VRK1: variants seen among roughly 807,000 people sequenced by gnomAD.
VRK1 encodes the protein serine/threonine-protein kinase VRK1.
A neutral mutation model predicts 57.1 loss-of-function variants in VRK1; 33 were observed. The ratio of observed to expected loss-of-function variants is 0.58; its 90% CI spans 0.44 to 0.77. The LOEUF (loss-of-function observed/expected upper bound fraction) is 0.77, where lower values mean the gene tolerates loss of function less well. Among genes scored for constraint, VRK1 ranks in the 30% least tolerant of loss-of-function variants. The probability of loss-of-function intolerance (pLI) is 0.00; values close to 1 mark genes in which losing one functional copy is unlikely to be tolerated. For missense variants in VRK1, 413 were observed against 477.3 expected, an observed-to-expected ratio of 0.87 and a Z score of 1.25; for synonymous variants, 137 against 147.8, an observed-to-expected ratio of 0.93 and a Z score of 0.53.
chr14:96,829,836 G>A (rs1357902694), intron 1 of VRK1, among the ~76,000 whole-genome samples: 1 of 152,066 alleles, frequency 6.6e-6, no homozygotes, highest in Non-Finnish European at 1.5e-5. Flanking sequence ...AGTTCTACAA[G>A]TATATATTTA....
At chr14:96,870,842 GA>G (rs1318424963) in intron 11 of VRK1, among the ~76,000 whole-genome samples, 1 of 152,120 alleles carries the variant, frequency 6.6e-6, no homozygotes, top group Non-Finnish European at 1.5e-5. Flanking sequence ...TAGGAGAATG[GA>G]TGACAGTAGA....
intron 11 of VRK1, among the ~76,000 whole-genome samples, chr14:96,863,952 T>C (rs1045459212): frequency 7.2e-5 from 11 of 152,294 alleles, no homozygotes; most frequent in African/African-American, 2.2e-4. Flanking sequence ...TTTATACCAT[T>C]GTAGCCTATA....
At chr14:96,836,896 C>T (rs1887240275) in intron 2 of VRK1, among the ~76,000 whole-genome samples, 1 of 152,064 alleles carries the variant, frequency 6.6e-6, no homozygotes, top group Non-Finnish European at 1.5e-5. Flanking sequence ...GGCTTATTCC[C>T]TTCCTGCTCT....
In VRK1 at chr14:96,876,026, T is replaced by A; in HGVS notation, c.1069-4T>A. 6.2e-7 allele frequency: 1 copy of A among 1,612,552 alleles called. No individual in the cohort carries two copies. Among genetic ancestry groups the A allele is most frequent in the Non-Finnish European group, 8.5e-7 (1 of 1,179,120 alleles). On this transcript the variant is annotated splice_polypyrimidine_tract_variant and splice_region_variant and intron_variant, in intron 11 of 12. Coordinates refer to ENST00000216639, the MANE Select transcript of VRK1 (RefSeq NM_003384.3). The stretch of plus-strand genomic sequence containing the variant: ...CTCTCTCTCTCTTTAATTTTATATG[T>A]AAGAAGCGAAAGAAAGAAATTGAAG...
chr14:96,872,483 GA>G (rs1888860852), intron 11 of VRK1, among the ~76,000 whole-genome samples: 1 of 152,160 alleles, frequency 6.6e-6, no homozygotes, highest in Non-Finnish European at 1.5e-5. Context: ...TAGTTTACAT[GA>G]AATACACAAA....
chr14:96,813,605 T>G (rs767887001), intron 1 of VRK1, among the ~76,000 whole-genome samples: 12 of 152,230 alleles, frequency 7.9e-5, no homozygotes, highest in Non-Finnish European at 1.3e-4. Context: ...GTCCTTTGGA[T>G]TTTTGGAAGT....
At chr14:96,856,965 C>G (rs989088715) in intron 10 of VRK1, among the ~76,000 whole-genome samples, 10 of 145,000 alleles carry the variant, frequency 6.9e-5, no homozygotes, top group Non-Finnish European at 1.6e-4. Context: ...GAGACTCCGT[C>G]TCAGAAAAAA....
chr14:96,875,949 C>T (rs1595691450), intron 11 of VRK1, 81 bp from the exon 12 acceptor site: 1 of 1,449,844 alleles, frequency 6.9e-7, no homozygotes, highest in Non-Finnish European at 9.6e-7. Flanking sequence ...TTTATACACA[C>T]ACACAGACAA....
intron 2 of VRK1, among the ~76,000 whole-genome samples, chr14:96,835,838 CT>C (rs1887190477): frequency 6.6e-6 from 1 of 152,196 alleles, no homozygotes; most frequent in Non-Finnish European, 1.5e-5. Context: ...TGTCTGGACT[CT>C]GACTGTAGCA....
chr14:96,877,507 G>A, intron 12 of VRK1: 2 of 1,289,456 alleles, frequency 1.6e-6, no homozygotes, highest in Non-Finnish European at 2.0e-6. Context: ...ATTAGGAAGT[G>A]AGGAGTCCCA....
At chr14:96,842,453 A>T (rs1887501958) in intron 3 of VRK1, among the ~76,000 whole-genome samples, 1 of 152,208 alleles carries the variant, frequency 6.6e-6, no homozygotes, top group Admixed American at 6.5e-5. Context: ...CTCTTTGGGG[A>T]AGTTTTATAA....
intron 1 of VRK1, among the ~76,000 whole-genome samples, chr14:96,827,192 A>G (rs1431837125): frequency 6.6e-6 from 1 of 151,994 alleles, no homozygotes; most frequent in Non-Finnish European, 1.5e-5. Context: ...TTGTCAGTTT[A>G]CTTTGTGCAA....
At chr14:96,839,747 A>C (rs575613715) in intron 3 of VRK1, among the ~76,000 whole-genome samples, 1 of 152,028 alleles carries the variant, frequency 6.6e-6, no homozygotes, top group Non-Finnish European at 1.5e-5. Flanking sequence ...ATAGTAAGAG[A>C]GTTTTTTTCT....
intron 5 of VRK1, among the ~76,000 whole-genome samples, chr14:96,847,621 A>G (rs1887762301): frequency 6.6e-6 from 1 of 152,128 alleles, no homozygotes; most frequent in Non-Finnish European, 1.5e-5. Flanking sequence ...ACAAGGAGGA[A>G]CAAAGCCAAA....
intron 11 of VRK1, among the ~76,000 whole-genome samples, chr14:96,867,236 G>A (rs1350789923): frequency 6.6e-6 from 1 of 152,082 alleles, no homozygotes; most frequent in Non-Finnish European, 1.5e-5. Context: ...GCTTCTGGAT[G>A]GTAAACTTGT....
intron 1 of VRK1, among the ~76,000 whole-genome samples, chr14:96,818,633 T>C (rs1328185625): frequency 2.0e-5 from 3 of 152,168 alleles, no homozygotes; most frequent in Admixed American, 1.3e-4. Context: ...TTGATACTTA[T>C]TTTTTTAATG....
intron 11 of VRK1, among the ~76,000 whole-genome samples, chr14:96,865,779 A>G (rs1366379707): frequency 1.4e-5 from 2 of 147,078 alleles, no homozygotes; most frequent in East Asian, 4.0e-4. Context: ...TTTTTGGATT[A>G]TCTGTGATTA....
In VRK1 at chr14:96,870,575, G is replaced by A. The variant is rs961553999; in HGVS notation, c.1069-5455G>A. Among the ~76,000 whole-genome samples the A allele has an allele frequency of 3.3e-5, 5 of 152,044 alleles. No homozygotes were observed. The East Asian group carries it at 7.7e-4, about 23-fold the overall frequency. On this transcript the variant is annotated intron_variant, in intron 11 of 12. Transcript: ENST00000216639. ...CTTTCGTCTTGTTAACTGACTATAC[G>A]TTTGATCATATTAAAGTTTCATGAT...
At chr14:96,875,020 C>G (rs150136343) in intron 11 of VRK1, among the ~76,000 whole-genome samples, 2 of 152,048 alleles carry the variant, frequency 1.3e-5, no homozygotes, top group Non-Finnish European at 2.9e-5. Flanking sequence ...TGGGGCATGT[C>G]GGATGGTTTT....
Sources: gnomAD v4.1 joint callset for allele counts (sites outside exome capture counted in the v4.1 genomes callset) on GRCh38, gnomAD v4.1.1 for gene constraint, MANE v1.5 for transcripts, NCBI Gene and HGNC (gene_info 2026-07-23, HGNC 2026-07-21) for gene names.